The following SCLT1 variants were observed in gnomAD, a reference collection of about 807,000 sequenced individuals.
The protein encoded by SCLT1 is sodium channel and clathrin linker 1.
A neutral mutation model predicts 112.8 loss-of-function variants in SCLT1; 78 were observed. The observed-to-expected ratio is 0.69, with a 90% CI of 0.58 to 0.83. SCLT1 has a LOEUF of 0.83. SCLT1 is among the 40% of genes least tolerant of loss of function. SCLT1 has a pLI of 0.00. For missense variants in SCLT1, 747 were observed against 770.4 expected (o/e 0.97, Z 0.36); for synonymous variants, 257 against 254.7 (o/e 1.01, Z -0.09).
chr4:128,967,563 A>T (rs988664032), intron 10 of SCLT1, among the ~76,000 whole-genome samples: 2 of 152,168 alleles, frequency 1.3e-5, no homozygotes, highest in Admixed American at 6.5e-5. Flanking sequence ...CAGGTGTGAG[A>T]TGGTATCTCA....
chr4:128,917,000 AAACC>A (rs1390707201), intron 18 of SCLT1, among the ~76,000 whole-genome samples: 6 of 152,234 alleles, frequency 3.9e-5, no homozygotes, highest in African/African-American at 1.4e-4. Context: ...GAACCAGAAA[AAACC>A]AACCAACCAA....
intron 2 of SCLT1, among the ~76,000 whole-genome samples, chr4:129,052,185 CT>C (rs1748863143): frequency 6.6e-6 from 1 of 151,994 alleles, no homozygotes; most frequent in South Asian, 2.1e-4. Context: ...CTGAAATTTT[CT>C]TTTTTTGTTG....
chr4:129,087,190 C>G (rs72926087), intron 1 of SCLT1, among the ~76,000 whole-genome samples: 1 of 151,906 alleles, frequency 6.6e-6, no homozygotes, highest in African/African-American at 2.4e-5. Context: ...GAAGACTGCA[C>G]AGAGAAAGAA....
At chr4:128,970,341 G>T in intron 10 of SCLT1, 37 bp downstream of exon 10, 1 of 1,102,244 alleles carries the variant, frequency 9.1e-7, no homozygotes. Context: ...AGAAAACTAA[G>T]CAATAGGTAC....
chr4:129,074,450 G>A (rs1751285353), intron 2 of SCLT1, among the ~76,000 whole-genome samples: 1 of 152,050 alleles, frequency 6.6e-6, no homozygotes, highest in Non-Finnish European at 1.5e-5. Context: ...TAAAAATGTT[G>A]ATTTAGCAAT....
intron 18 of SCLT1, among the ~76,000 whole-genome samples, chr4:128,908,310 T>G (rs1324028505): frequency 6.6e-6 from 1 of 151,794 alleles, no homozygotes; most frequent in South Asian, 2.1e-4. Context: ...TATAATATGC[T>G]TCAGTTACTT....
intron 18 of SCLT1, among the ~76,000 whole-genome samples, chr4:128,923,271 C>A (rs186830722): frequency 1.1e-4 from 16 of 152,074 alleles, no homozygotes; most frequent in African/African-American, 3.6e-4. Context: ...TATGGTGAAA[C>A]CCCGTCTCTA....
At chr4:129,010,009 A>T (rs1316275314) in intron 5 of SCLT1, among the ~76,000 whole-genome samples, 2 of 152,184 alleles carry the variant, frequency 1.3e-5, no homozygotes, top group South Asian at 2.1e-4. Context: ...TCTTCTTAAT[A>T]AAATCTTTGC....
chr4:129,093,168 C>A lies in SCLT1; in HGVS notation c.-65G>T. 1 of 1,511,424 alleles carries A rather than the reference C, an allele frequency of 6.6e-7. No homozygotes were observed. Among genetic ancestry groups the A allele is most frequent in the Admixed American group, 1.7e-5 (1 of 59,436 alleles). The allele number at this position is 1,511,424 out of a possible 1,614,324, so 93.6% of individuals were successfully genotyped here. The stretch of plus-strand genomic sequence containing the variant: ...CTTCCTCTGAAAGACAGAGAGCTTG[C>A]TGTGCGGGAAAACAAAACTAAGCCA... On this transcript the variant is annotated 5_prime_UTR_variant, in exon 1 of 21. Transcript: ENST00000281142.
chr4:128,963,091 G>A (rs1051467232), intron 11 of SCLT1, among the ~76,000 whole-genome samples: 2 of 152,076 alleles, frequency 1.3e-5, no homozygotes, highest in Admixed American at 1.3e-4. Flanking sequence ...ATCAATTCAG[G>A]TGGATAGTGG....
chr4:129,053,083 T>A (rs1579859207), intron 2 of SCLT1, among the ~76,000 whole-genome samples: 1 of 152,112 alleles, frequency 6.6e-6, no homozygotes, highest in Admixed American at 6.5e-5. Flanking sequence ...TTGCACTGTG[T>A]TCTGAGAGAC....
intron 2 of SCLT1, among the ~76,000 whole-genome samples, chr4:129,050,242 G>A (rs1398004217): frequency 6.6e-6 from 1 of 152,022 alleles, no homozygotes; most frequent in African/African-American, 2.4e-5. Flanking sequence ...AATACTTTAG[G>A]TATATACACA....
At chr4:128,887,987 C>T (rs1008733270) in intron 20 of SCLT1, among the ~76,000 whole-genome samples, 3 of 152,080 alleles carry the variant, frequency 2.0e-5, no homozygotes, top group Non-Finnish European at 2.9e-5. Flanking sequence ...GGACATAATT[C>T]TAGAGCAGTG....
chr4:129,029,899 C>A (rs988199897), intron 5 of SCLT1, among the ~76,000 whole-genome samples: 2 of 151,914 alleles, frequency 1.3e-5, no homozygotes, highest in Non-Finnish European at 2.9e-5. Context: ...AATATTAGAT[C>A]AATAAAACAG....
chr4:128,963,209 T>G (rs1173576815), intron 11 of SCLT1, among the ~76,000 whole-genome samples: 1 of 152,200 alleles, frequency 6.6e-6, no homozygotes, highest in Non-Finnish European at 1.5e-5. Context: ...TACAAGTAAG[T>G]GATGCCTTTC....
chr4:129,062,281 C>G (rs1461093510), intron 2 of SCLT1, among the ~76,000 whole-genome samples: 1 of 152,042 alleles, frequency 6.6e-6, no homozygotes, highest in Admixed American at 6.6e-5. Context: ...TGCACTCTGG[C>G]ACTCACTCTC....
At chr4:128,919,738 C>CAAA (rs142025461) in intron 18 of SCLT1, among the ~76,000 whole-genome samples, 1 of 148,116 alleles carries the variant, frequency 6.8e-6, no homozygotes, top group African/African-American at 2.5e-5. Flanking sequence ...CACAGAAATA[C>CAAA]AAAAAAAAAA....
chr4:128,921,384 A>G (rs1735870913), intron 18 of SCLT1, among the ~76,000 whole-genome samples: 1 of 152,182 alleles, frequency 6.6e-6, no homozygotes, highest in Non-Finnish European at 1.5e-5. Flanking sequence ...TGGAGGCACC[A>G]TGTTAATGAA....
intron 5 of SCLT1, among the ~76,000 whole-genome samples, chr4:129,015,210 C>G (rs891885929): frequency 6.6e-6 from 1 of 152,090 alleles, no homozygotes; most frequent in African/African-American, 2.4e-5. Flanking sequence ...CCTGCCCGCA[C>G]AGACATGTAT....
Sources: allele counts gnomAD v4.1 joint callset (sites outside exome capture counted in the v4.1 genomes callset), GRCh38; gene constraint gnomAD v4.1.1; transcripts MANE v1.5; gene names NCBI Gene and HGNC (gene_info 2026-07-23, HGNC 2026-07-21).